The following FUT8 variants were observed in gnomAD, a reference collection of about 807,000 sequenced individuals.
FUT8 encodes the protein alpha-(1,6)-fucosyltransferase.
A neutral mutation model predicts 71.3 loss-of-function variants in FUT8; 29 were observed. The observed-to-expected ratio is 0.41, with a 90% CI of 0.30 to 0.55. FUT8 has a LOEUF of 0.55. Ranked by LOEUF, FUT8 falls within the 20% of genes least tolerant of loss-of-function variation. The pLI, the probability that FUT8 is intolerant of heterozygous loss-of-function variation, is 0.34. For synonymous variants in FUT8, 254 were observed against 239.3 expected (o/e 1.06, Z -0.57); for missense variants, 544 against 702.1 (o/e 0.77, Z 2.55).
intron 9 of FUT8, among the ~76,000 whole-genome samples, chr14:65,726,819 C>T (rs1895709288): frequency 6.6e-6 from 1 of 152,196 alleles, no homozygotes; most frequent in Admixed American, 6.5e-5. Flanking sequence ...GTCCCTTCCA[C>T]CTATGAGCCT....
In FUT8 at chr14:65,550,711, C is replaced by T. The variant is rs1885238687; in HGVS notation, c.-227-10626C>T. On this transcript the variant is annotated intron_variant, in intron 2 of 10. Coordinates refer to ENST00000673929, the MANE Select transcript of FUT8 (RefSeq NM_001371533.1). This position sits in a 1 kb window ranked among gnomAD's most constrained non-coding sequence, Gnocchi z 4.5. ...ACATATTTCGATACTTGTTTCAGCG[C>T]TCTTGTCTGCTGTCATCATTGTCAT... Among the ~76,000 whole-genome samples the T allele has an allele frequency of 6.6e-6, 1 of 152,080 alleles. No homozygotes were observed. Among genetic ancestry groups the T allele is most frequent in the South Asian group, 2.1e-4 (1 of 4,826 alleles).
chr14:65,543,033 C>T (rs531064555), intron 2 of FUT8, among the ~76,000 whole-genome samples: 7 of 152,262 alleles, frequency 4.6e-5, no homozygotes, highest in Non-Finnish European at 1.0e-4. Flanking sequence ...CTGCCCGCCT[C>T]GACCTCCCAA....
the FUT8 span, among the ~76,000 whole-genome samples, chr14:65,364,163 G>A: frequency 1.3e-5 from 2 of 151,752 alleles, no homozygotes; most frequent in Non-Finnish European, 2.9e-5. Context: ...TACCTCACAG[G>A]TTTAAAATAG....
chr14:65,508,682 A>G (rs1328698024), intron 2 of FUT8, among the ~76,000 whole-genome samples: 3 of 151,158 alleles, frequency 2.0e-5, no homozygotes, highest in African/African-American at 7.3e-5. Context: ...TTGTATTTTT[A>G]GTAGAGACGG....
chr14:65,712,456 G>A (rs574700303), intron 7 of FUT8, among the ~76,000 whole-genome samples: 4 of 152,218 alleles, frequency 2.6e-5, no homozygotes, highest in East Asian at 1.9e-4. Flanking sequence ...TGGTAGTTGC[G>A]TTTTTGAGAC....
At chr14:65,428,194 C>G (rs1348708334) in intron 1 of FUT8, among the ~76,000 whole-genome samples, 1 of 152,144 alleles carries the variant, frequency 6.6e-6, no homozygotes, top group Non-Finnish European at 1.5e-5. Flanking sequence ...TTAAAAGGTA[C>G]ATTAACTCTT....
chr14:65,386,503 CAAAA>C, the FUT8 span, among the ~76,000 whole-genome samples: 538 of 46,888 alleles, frequency 0.011, 5 homozygotes, highest in Middle Eastern at 0.032. Context: ...GACCTCGTCT[CAAAA>C]AAAAAAAAAA....
intron 6 of FUT8, among the ~76,000 whole-genome samples, chr14:65,655,927 C>T (rs904779290): frequency 6.6e-6 from 1 of 152,012 alleles, no homozygotes; most frequent in African/African-American, 2.4e-5. Context: ...TGATAAAAAC[C>T]CTCAAAAAAC....
At chr14:65,523,569 TTTAGC>T (rs1422397046) in intron 2 of FUT8, among the ~76,000 whole-genome samples, 3 of 152,250 alleles carry the variant, frequency 2.0e-5, no homozygotes, top group Non-Finnish European at 4.4e-5. Context: ...GCAGAAGCTC[TTTAGC>T]TTAATTAGAT....
At chr14:65,439,954 G>GTGTGTATGTATATA in intron 1 of FUT8, among the ~76,000 whole-genome samples, 1 of 74,974 alleles carries the variant, frequency 1.3e-5, no homozygotes, top group South Asian at 5.9e-4. Context: ...GTGTGTGTGT[G>GTGTGTATGTATATA]TATATATATA....
At chr14:65,617,269 A>G in intron 5 of FUT8, 1 of 1,378,126 alleles carries the variant, frequency 7.3e-7, no homozygotes, top group Non-Finnish European at 9.5e-7. Context: ...TTTTAGGTGA[A>G]ATTATAAATA....
At chr14:65,438,197 G>A (rs1476585391) in intron 1 of FUT8, among the ~76,000 whole-genome samples, 1 of 152,044 alleles carries the variant, frequency 6.6e-6, no homozygotes, top group African/African-American at 2.4e-5. Context: ...ATTAGAGAAG[G>A]AAAGTTTACA....
At chr14:65,706,802 A>G (rs1257552002) in intron 7 of FUT8, among the ~76,000 whole-genome samples, 1 of 152,180 alleles carries the variant, frequency 6.6e-6, no homozygotes, top group Non-Finnish European at 1.5e-5. Context: ...GGATTTCAGC[A>G]TATGAATTTG....
the FUT8 span, among the ~76,000 whole-genome samples, chr14:65,386,627 A>G: frequency 6.6e-6 from 1 of 150,874 alleles, no homozygotes; most frequent in South Asian, 2.1e-4. Flanking sequence ...CATAGTTATG[A>G]TTGCTGTTTC....
At chr14:65,620,300 A>C (rs552425636) in intron 5 of FUT8, among the ~76,000 whole-genome samples, 1 of 152,286 alleles carries the variant, frequency 6.6e-6, no homozygotes, top group South Asian at 2.1e-4. Context: ...TAAAGTAGCA[A>C]TCTCATCTCC....
intron 3 of FUT8, among the ~76,000 whole-genome samples, chr14:65,610,922 T>G (rs1888853773): frequency 1.3e-5 from 2 of 151,826 alleles, no homozygotes; most frequent in African/African-American, 4.8e-5. Context: ...TGCTAAATTT[T>G]TTTATAATTT....
chr14:65,465,066 A>C (rs183054048), intron 2 of FUT8, among the ~76,000 whole-genome samples: 33 of 152,278 alleles, frequency 2.2e-4, no homozygotes, highest in Admixed American at 8.5e-4. Flanking sequence ...TGTGTCTTTT[A>C]AGGGATTGGT....
intron 1 of FUT8, among the ~76,000 whole-genome samples, chr14:65,452,059 A>G (rs1379917289): frequency 6.6e-6 from 1 of 152,110 alleles, no homozygotes; most frequent in Non-Finnish European, 1.5e-5. Context: ...AATAATATGC[A>G]TTTCTTAAAT....
chr14:65,571,920 T>C (rs1301260533), intron 3 of FUT8, among the ~76,000 whole-genome samples: 1 of 152,138 alleles, frequency 6.6e-6, no homozygotes, highest in Non-Finnish European at 1.5e-5. Flanking sequence ...TATATGAAAA[T>C]CTAGGTTTAC....
Sources: allele counts gnomAD v4.1 joint callset (sites outside exome capture counted in the v4.1 genomes callset), GRCh38; gene constraint gnomAD v4.1.1; non-coding constraint Gnocchi (gnomAD v3.1); transcripts MANE v1.5; gene names NCBI Gene and HGNC (gene_info 2026-07-23, HGNC 2026-07-21).